LATS2: variants seen among roughly 807,000 people sequenced by gnomAD.
LATS2 encodes the protein large tumor suppressor kinase 2.
LATS2 carries 24 observed loss-of-function variants against 76.0 expected under a neutral mutation model. The observed-to-expected ratio is 0.32, with a 90% CI of 0.23 to 0.44. The LOEUF is 0.44. Among genes scored for constraint, LATS2 ranks in the 20% least tolerant of loss-of-function variants. LATS2 has a pLI of 1.00. For missense variants in LATS2, 1,286 were observed against 1,481.2 expected, an observed-to-expected ratio of 0.87 and a Z score of 2.16; for synonymous variants, 692 against 635.4, an observed-to-expected ratio of 1.09 and a Z score of -1.34.
intron 2 of LATS2, among the ~76,000 whole-genome samples, chr13:21,025,113 C>A (rs1349656186): frequency 6.6e-6 from 1 of 151,896 alleles, no homozygotes; most frequent in African/African-American, 2.4e-5. Context: ...TGTAAGACAC[C>A]TTTAATGAGG....
Position 21,007,606 on chromosome 13 carries a change from T to TATATATATATATATA in LATS2, c.343-16203_343-16202insTATATATATATATAT, listed in dbSNP as rs1330161483. On this transcript the variant is annotated intron_variant, in intron 2 of 7. Transcript: ENST00000382592. ...ATATATAGTATATATATATATAGTG[T>TATATATATATATATA]GTATATATATATATAGTGTATATAT... Among the ~76,000 whole-genome samples, 2 of 1,026 alleles carry TATATATATATATATA rather than the reference T, an allele frequency of 1.9e-3. 1 individual carries two copies. Among genetic ancestry groups the TATATATATATATATA allele is most frequent in the African/African-American group, 5.8e-3 (2 of 344 alleles). The allele number at this position is 1,026 out of a possible 152,430, so 0.7% of individuals were successfully genotyped here.
intron 7 of LATS2, among the ~76,000 whole-genome samples, chr13:20,979,355 A>C (rs975250669): frequency 3.3e-5 from 5 of 151,996 alleles, no homozygotes; most frequent in Non-Finnish European, 1.5e-5. Flanking sequence ...TGTTCTCTGC[A>C]GGGCAGGTGT....
intron 2 of LATS2, among the ~76,000 whole-genome samples, chr13:21,007,689 A>AG (rs375179623): frequency 1.4e-3 from 2 of 1,412 alleles, no homozygotes; most frequent in South Asian, 0.023. Flanking sequence ...TATAGTATAT[A>AG]TATATATATA....
At chr13:21,017,394 C>A (rs1871844430) in intron 2 of LATS2, among the ~76,000 whole-genome samples, 1 of 151,766 alleles carries the variant, frequency 6.6e-6, no homozygotes, top group African/African-American at 2.4e-5. Flanking sequence ...AGGCTGGTCT[C>A]AAACTCCTGG....
intron 2 of LATS2, among the ~76,000 whole-genome samples, chr13:21,011,688 TGTA>T (rs1871597808): frequency 6.6e-6 from 1 of 152,174 alleles, no homozygotes; most frequent in South Asian, 2.1e-4. Flanking sequence ...AGCTGGCTGT[TGTA>T]GACTTAACAG....
At chr13:21,027,963 G>A (rs1464406650) in intron 2 of LATS2, among the ~76,000 whole-genome samples, 1 of 151,546 alleles carries the variant, frequency 6.6e-6, no homozygotes, top group Non-Finnish European at 1.5e-5. Flanking sequence ...AAGTTTTAGG[G>A]TACATGTGCA....
Position 20,988,370 on chromosome 13 carries a change from G to T in LATS2, c.1410C>A (p.Ala470=). Residue 470 remains alanine (A), a synonymous_variant, in exon 4 of 8, where the codon GCC becomes GCA. Coordinates refer to ENST00000382592, the MANE Select transcript of LATS2 (RefSeq NM_014572.3). ...GGGCGGGGGCGGGGGCGGGGGCCGG[G>T]GCAGGCGCGGGCACCCAGGCGGGGT... ...PSHPAWVPAP[A]PAPAPAPAPA... The T allele has an allele frequency of 3.7e-6, 5 of 1,367,164 alleles. No individual in the cohort carries two copies. Among genetic ancestry groups the T allele is most frequent in the Non-Finnish European group, 4.7e-6 (5 of 1,069,382 alleles). 84.7% of individuals were successfully genotyped at this position (1,367,164 alleles called of 1,614,324 possible).
chr13:21,007,958 C>T (rs1290351721), intron 2 of LATS2, among the ~76,000 whole-genome samples: 1 of 150,488 alleles, frequency 6.6e-6, no homozygotes, highest in Non-Finnish European at 1.5e-5. Flanking sequence ...CAGGGTTTGC[C>T]ATGTTGTCCA....
At chr13:20,997,321 C>T (rs1279026915) in intron 2 of LATS2, among the ~76,000 whole-genome samples, 1 of 152,198 alleles carries the variant, frequency 6.6e-6, no homozygotes, top group African/African-American at 2.4e-5. Flanking sequence ...AATTGATGTT[C>T]GCTTAAAACT....
intron 1 of LATS2, among the ~76,000 whole-genome samples, chr13:21,054,031 G>A (rs1339408450): frequency 6.6e-6 from 1 of 152,186 alleles, no homozygotes; most frequent in Non-Finnish European, 1.5e-5. Context: ...TAACTGAACT[G>A]TATACTTAAG....
chr13:21,006,367 G>A (rs573897606), intron 2 of LATS2, among the ~76,000 whole-genome samples: 1 of 152,238 alleles, frequency 6.6e-6, no homozygotes, highest in Non-Finnish European at 1.5e-5. Flanking sequence ...CGCCCACTGT[G>A]TACATCCCTT....
chr13:20,988,128 G>A lies in LATS2; in HGVS notation c.1652C>T (p.Pro551Leu), dbSNP rs142033815. The change falls in exon 4 of 8, where the codon CCC (proline) becomes CTC (leucine). Residue 551 changes from proline to leucine, a missense_variant. Physicochemically the swap from Pro to Leu is moderately conservative, Grantham distance 98. Coordinates refer to ENST00000382592, the MANE Select transcript of LATS2 (RefSeq NM_014572.3). ...EQSLRAGPNE[P>L]EGGDKSRKSA... ...TTTGCGGCTCTTGTCGCCGCCCTCG[G>A]GCTCGTTGGGGCCCGCACGGAGGCT... is the stretch of plus-strand genomic sequence containing the variant. 432 of 1,614,084 alleles carry A rather than the reference G, an allele frequency of 2.7e-4. No homozygotes were observed. The highest frequency in any genetic ancestry group is 3.5e-4 in the Non-Finnish European group (411 of 1,180,048).
intron 2 of LATS2, chr13:21,018,235 A>C (rs573346922): frequency 6.6e-6 from 1 of 152,352 alleles, no homozygotes; most frequent in Admixed American, 6.5e-5. Flanking sequence ...TTAATTAAAA[A>C]ATACTGTATG....
intron 5 of LATS2, 31 bp downstream of exon 5, chr13:20,983,193 G>A (rs1440364389): frequency 6.7e-7 from 1 of 1,486,626 alleles, no homozygotes; most frequent in African/African-American, 1.4e-5. Flanking sequence ...TCTACACATA[G>A]AAAGTGCATG....
chr13:21,041,210 G>T (rs543555119), intron 2 of LATS2, among the ~76,000 whole-genome samples: 1 of 152,194 alleles, frequency 6.6e-6, no homozygotes, highest in African/African-American at 2.4e-5. Flanking sequence ...CTGACCTCAT[G>T]ATCTGCCCGC....
intron 2 of LATS2, among the ~76,000 whole-genome samples, chr13:21,007,605 GTGTATATATATATATAGTGTA>G (rs1871350439): frequency 1.3e-3 from 1 of 742 alleles, no homozygotes; most frequent in Non-Finnish European, 2.4e-3. Context: ...TATATATAGT[GTGTATATATATATATAGTGTA>G]TATATATATA....
At chr13:21,006,030 G>T (rs1401628539) in intron 2 of LATS2, among the ~76,000 whole-genome samples, 1 of 151,984 alleles carries the variant, frequency 6.6e-6, no homozygotes, top group East Asian at 1.9e-4. Flanking sequence ...CCAGCTACTC[G>T]GGAGGCTGAG....
intron 2 of LATS2, among the ~76,000 whole-genome samples, chr13:21,001,222 G>C (rs1323243429): frequency 6.6e-6 from 1 of 152,210 alleles, no homozygotes; most frequent in Non-Finnish European, 1.5e-5. Flanking sequence ...GGTGAACAGA[G>C]GTAAGCACAT....
Position 20,991,267 on chromosome 13 carries a change from C to T in LATS2, c.475+5G>A. On this transcript the variant is annotated splice_donor_5th_base_variant and intron_variant, in intron 3 of 7. Transcript: ENST00000382592. The surrounding 1 kb of genome is among the most constrained non-coding windows in gnomAD (Gnocchi z 4.9). ...TTGCCCACTATGCTGCAGGCCTGGG[C>T]TCACCTGGGGAGGTCTGCTTAATGA... 6.2e-7 allele frequency: 1 copy of T among 1,614,082 alleles called. No individual in the cohort carries two copies. Among genetic ancestry groups the T allele is most frequent in the Non-Finnish European group, 8.5e-7 (1 of 1,179,942 alleles).
Sources: gnomAD v4.1 joint callset for allele counts (sites outside exome capture counted in the v4.1 genomes callset) on GRCh38, gnomAD v4.1.1 for gene constraint, Gnocchi (gnomAD v3.1) non-coding constraint, MANE v1.5 for transcripts, NCBI Gene and HGNC (gene_info 2026-07-23, HGNC 2026-07-21) for gene names.